TENM3: variants seen among roughly 807,000 people sequenced by gnomAD.
TENM3 encodes teneurin transmembrane protein 3.
A neutral mutation model predicts 255.1 loss-of-function variants in TENM3; 63 were observed. That is an observed-to-expected ratio of 0.25 (90% confidence interval 0.20 to 0.30). TENM3 has a LOEUF of 0.30. Among genes scored for constraint, TENM3 ranks in the 10% least tolerant of loss-of-function variants. The pLI, the probability that TENM3 is intolerant of heterozygous loss-of-function variation, is 1.00. For synonymous variants in TENM3, 1,306 were observed against 1,322.3 expected (o/e 0.99, Z 0.27); for missense variants, 2,929 against 3,461.1 (o/e 0.85, Z 3.86).
rs540770473 is a variant in TENM3 at position 182,404,656 on chromosome 4, C to G, written c.511+57727C>G. ...AGACTTTGCTAATGTGAAGCACATG[C>G]TTTCAAAATCTGAATTTGAGTTCAC... On this transcript the variant is annotated intron_variant, in intron 3 of 27. Coordinates refer to ENST00000511685, the MANE Select transcript of TENM3 (RefSeq NM_001080477.4). 2.0e-5 allele frequency among the ~76,000 whole-genome samples: 3 copies of G among 152,314 alleles called. No individual in the cohort carries two copies. In the South Asian group the frequency reaches 6.2e-4, roughly 32 times the overall value.
the TENM3 span, among the ~76,000 whole-genome samples, chr4:181,742,501 G>C: frequency 6.6e-6 from 1 of 151,930 alleles, no homozygotes; most frequent in Non-Finnish European, 1.5e-5. Context: ...TTTTAAAAAA[G>C]ACTTTCTGGT....
At chr4:182,596,772 A>C (rs1027293532) in intron 3 of TENM3, among the ~76,000 whole-genome samples, 2 of 152,194 alleles carry the variant, frequency 1.3e-5, no homozygotes, top group African/African-American at 4.8e-5. Flanking sequence ...AGGCACTAGA[A>C]AGCCATTTGG....
At position 182,754,082 on chromosome 4, in the gene TENM3, A is replaced by T. The variant is rs1027746062; in HGVS notation, c.4018-303A>T. ...CCAACATTTGGTGGTTATTGCTGCC[A>T]TAAGGAACATGTGTGTTCATAGCTC... On this transcript the variant is annotated intron_variant, in intron 21 of 27. Coordinates refer to ENST00000511685, the MANE Select transcript of TENM3 (RefSeq NM_001080477.4). The surrounding 1 kb of genome is among the most constrained non-coding windows in gnomAD (Gnocchi z 5.1). 1.3e-5 allele frequency among the ~76,000 whole-genome samples: 2 copies of T among 152,256 alleles called. No individual in the cohort carries two copies. Among genetic ancestry groups the T allele is most frequent in the African/African-American group, 2.4e-5 (1 of 41,472 alleles).
chr4:182,769,912 C>T (rs1355606367), intron 22 of TENM3, among the ~76,000 whole-genome samples: 1 of 151,936 alleles, frequency 6.6e-6, no homozygotes, highest in South Asian at 2.1e-4. Context: ...TGAGACCAGC[C>T]TGACCAATAT....
rs561340351 is a variant in TENM3 at position 182,744,160 on chromosome 4, A to T, written c.3629+741A>T. ...CCACCAAGAAATAAAGATTTTAGAC[A>T]TAGGTAAGCATCTTACCTTAAGGTT... On this transcript the variant is annotated intron_variant, in intron 19 of 27. Transcript: ENST00000511685. The T allele has an allele frequency of 8.6e-6, 8 of 928,144 alleles. No homozygotes were observed. The East Asian group carries it at 9.4e-4, about 110-fold the overall frequency. 57.5% of individuals were successfully genotyped at this position (928,144 alleles called of 1,614,324 possible).
chr4:182,185,779 A>C (rs1162988825), intron 1 of TENM3, among the ~76,000 whole-genome samples: 2 of 152,192 alleles, frequency 1.3e-5, no homozygotes, highest in African/African-American at 4.8e-5. Flanking sequence ...TGTTGAATCG[A>C]TTCACTGAGT....
intron 5 of TENM3, among the ~76,000 whole-genome samples, chr4:182,637,912 G>C (rs918820656): frequency 1.3e-5 from 2 of 152,182 alleles, no homozygotes; most frequent in East Asian, 3.8e-4. Context: ...AAATGCTGAC[G>C]TAGGGACAGA....
chr4:182,776,278 G>C (rs1036370249), intron 24 of TENM3, among the ~76,000 whole-genome samples: 1 of 152,166 alleles, frequency 6.6e-6, no homozygotes, highest in African/African-American at 2.4e-5. Context: ...CAGGCGTGGA[G>C]GTGGGTCCCT....
chr4:181,551,350 A>G, the TENM3 span, among the ~76,000 whole-genome samples: 1 of 152,166 alleles, frequency 6.6e-6, no homozygotes, highest in Non-Finnish European at 1.5e-5. Flanking sequence ...TAAATGCACA[A>G]TTTGAGGCAG....
intron 1 of TENM3, among the ~76,000 whole-genome samples, chr4:182,293,881 G>A (rs115104752): frequency 2.5e-4 from 38 of 152,206 alleles, no homozygotes; most frequent in African/African-American, 7.7e-4. Flanking sequence ...TATGAATGAG[G>A]CTTAACCCTC....
intron 3 of TENM3, among the ~76,000 whole-genome samples, chr4:182,561,254 A>G (rs1169716619): frequency 6.6e-6 from 1 of 151,804 alleles, no homozygotes; most frequent in Admixed American, 6.6e-5. Flanking sequence ...TATGAATTCA[A>G]AATTTAAAAT....
rs571908704 is a variant in TENM3 at position 182,324,408 on chromosome 4, A to T, written c.232+156A>T. ...ATTAGATCATCATGCAGTATTCCAGATGAGAGATAGAAAGCCACCGGTGGG... is the reference window on the plus strand; with the variant it reads ...ATTAGATCATCATGCAGTATTCCAGTTGAGAGATAGAAAGCCACCGGTGGG... On this transcript the variant is annotated intron_variant, in intron 2 of 27. Coordinates refer to ENST00000511685, the MANE Select transcript of TENM3 (RefSeq NM_001080477.4). Among the ~76,000 whole-genome samples the T allele has an allele frequency of 4.6e-5, 7 of 152,322 alleles. No individual in the cohort carries two copies. In the South Asian group the frequency reaches 1.4e-3, roughly 32 times the overall value.
At chr4:182,208,462 G>T (rs1408628073) in intron 1 of TENM3, among the ~76,000 whole-genome samples, 1 of 152,138 alleles carries the variant, frequency 6.6e-6, no homozygotes, top group East Asian at 1.9e-4. Flanking sequence ...TAAGAATAGT[G>T]TGAAAGTATT....
chr4:182,053,168 T>C, the TENM3 span, among the ~76,000 whole-genome samples: 2 of 152,056 alleles, frequency 1.3e-5, no homozygotes, highest in African/African-American at 4.8e-5. Context: ...TCCCAGGCTA[T>C]CTCAGGCAGC....
chr4:181,655,136 C>T, the TENM3 span, among the ~76,000 whole-genome samples: 1 of 152,166 alleles, frequency 6.6e-6, no homozygotes, highest in Non-Finnish European at 1.5e-5. Flanking sequence ...CTTCTGGAAT[C>T]ATCCAAATAA....
chr4:182,580,214 C>T lies in TENM3; in HGVS notation c.512-20710C>T, dbSNP rs190498305. Among the ~76,000 whole-genome samples the T allele has an allele frequency of 9.9e-5, 15 of 152,120 alleles. No individual in the cohort carries two copies. In the South Asian group the frequency reaches 1.5e-3, roughly 15 times the overall value. On this transcript the variant is annotated intron_variant, in intron 3 of 27. Coordinates refer to ENST00000511685, the MANE Select transcript of TENM3 (RefSeq NM_001080477.4). ...AGAGCTGTCATTTCTCTTAGTGTGA[C>T]GCTATTAATAATGTAGTGTAATGCT...
intron 12 of TENM3, among the ~76,000 whole-genome samples, chr4:182,699,192 A>G (rs573121145): frequency 6.6e-5 from 10 of 152,328 alleles, no homozygotes; most frequent in Non-Finnish European, 1.5e-4. Flanking sequence ...GCTTTCTCCT[A>G]CAAGGCCCAC....
chr4:181,843,928 C>A, the TENM3 span, among the ~76,000 whole-genome samples: 5 of 152,128 alleles, frequency 3.3e-5, no homozygotes, highest in African/African-American at 1.2e-4. Context: ...CCATGTTGGC[C>A]AGACTGGTCT....
the TENM3 span, among the ~76,000 whole-genome samples, chr4:182,136,978 C>T: frequency 1.3e-5 from 2 of 151,978 alleles, no homozygotes; most frequent in African/African-American, 4.8e-5. Context: ...GTCAGCATCC[C>T]CCCCCACCCA....
Sources: gnomAD v4.1 joint callset for allele counts (sites outside exome capture counted in the v4.1 genomes callset) on GRCh38, gnomAD v4.1.1 for gene constraint, Gnocchi (gnomAD v3.1) non-coding constraint, MANE v1.5 for transcripts, NCBI Gene and HGNC (gene_info 2026-07-23, HGNC 2026-07-21) for gene names.